Variants in CXCL17 observed in about 807,000 individuals in gnomAD.
CXCL17 encodes C-X-C motif chemokine 17.
A neutral mutation model predicts 15.5 loss-of-function variants in CXCL17; 9 were observed. That is an observed-to-expected ratio of 0.58 (90% CI 0.35 to 1.01). The LOEUF is 1.01. Ranked by LOEUF, CXCL17 falls within the 50% of genes least tolerant of loss-of-function variation. The pLI is 0.02. For missense variants in CXCL17, 133 were observed against 138.2 expected (o/e 0.96, Z 0.19); for synonymous variants, 52 against 52.3 (o/e 0.99, Z 0.02).
chr19:42,441,319 A>T (rs555491387), intron 1 of CXCL17, among the ~76,000 whole-genome samples: 7 of 152,262 alleles, frequency 4.6e-5, no homozygotes, highest in Non-Finnish European at 8.8e-5. Flanking sequence ...TGTGGGAGGA[A>T]CTGAAGGAAG....
chr19:42,428,878 G>C lies in CXCL17; in HGVS notation c.*6C>G. Reference sequence around the variant, plus strand: ...GTTTAATTGGAAGAGTGGGCGCTCAGAGCTCCTACAAAGGCAGAGCAAAGC... The same window carrying C: ...GTTTAATTGGAAGAGTGGGCGCTCACAGCTCCTACAAAGGCAGAGCAAAGC... On this transcript the variant is annotated 3_prime_UTR_variant, in exon 4 of 4. Transcript: ENST00000601181. The C allele has an allele frequency of 6.2e-7, 1 of 1,609,234 alleles. No homozygotes were observed. Among genetic ancestry groups the C allele is most frequent in the Non-Finnish European group, 8.5e-7 (1 of 1,175,588 alleles).
At chr19:42,439,942 G>T (rs2040875271) in intron 1 of CXCL17, among the ~76,000 whole-genome samples, 1 of 152,116 alleles carries the variant, frequency 6.6e-6, no homozygotes, top group African/African-American at 2.4e-5. Flanking sequence ...TTGTAGATTA[G>T]TTAATATTAT....
At chr19:42,431,421 G>A (rs952218229) in intron 3 of CXCL17, among the ~76,000 whole-genome samples, 1 of 152,108 alleles carries the variant, frequency 6.6e-6, no homozygotes, top group African/African-American at 2.4e-5. Context: ...CATAATCTCA[G>A]TGAAGTCAGA....
intron 3 of CXCL17, 104 bp downstream of exon 3, chr19:42,432,872 C>T (rs909774421): frequency 1.2e-6 from 1 of 818,000 alleles, no homozygotes. Flanking sequence ...GTGTGCTTAT[C>T]CTGGTCTTAA....
intron 1 of CXCL17, among the ~76,000 whole-genome samples, chr19:42,435,391 G>A (rs1467996521): frequency 6.6e-6 from 1 of 152,126 alleles, no homozygotes; most frequent in Non-Finnish European, 1.5e-5. Flanking sequence ...TTTATGGACT[G>A]AATTGTGTCT....
In CXCL17 at chr19:42,428,841, T is replaced by C. The variant is rs1215672072; in HGVS notation, c.*43A>G. On this transcript the variant is annotated 3_prime_UTR_variant, in exon 4 of 4. Coordinates refer to ENST00000601181, the MANE Select transcript of CXCL17 (RefSeq NM_198477.3). ...TCTGGTAGGTGTGCTCACTGTCTTC[T>C]TGGCTGAGAATGTTTAATTGGAAGA... The C allele has an allele frequency of 6.8e-7, 1 of 1,476,700 alleles. No homozygotes were observed. The highest frequency in any genetic ancestry group is 9.5e-7 in the Non-Finnish European group (1 of 1,054,928). The allele number at this position is 1,476,700 out of a possible 1,614,324, so 91.5% of individuals were successfully genotyped here.
At chr19:42,439,793 T>A (rs1265377429) in intron 1 of CXCL17, among the ~76,000 whole-genome samples, 1 of 152,160 alleles carries the variant, frequency 6.6e-6, no homozygotes, top group Non-Finnish European at 1.5e-5. Context: ...GTCAAGGTCC[T>A]GAAAGAGAGG....
intron 1 of CXCL17, among the ~76,000 whole-genome samples, chr19:42,442,043 A>G (rs767458228): frequency 1.3e-5 from 2 of 152,066 alleles, no homozygotes; most frequent in Non-Finnish European, 2.9e-5. Flanking sequence ...TAAAGGTACC[A>G]TTGCCTTCAA....
At chr19:42,442,655 C>A (rs981390164) in intron 1 of CXCL17, 99 bp downstream of exon 1, 1 of 811,560 alleles carries the variant, frequency 1.2e-6, no homozygotes, top group Non-Finnish European at 2.1e-6. Context: ...TCACTTGCCC[C>A]ATCCCCCATA....
intron 1 of CXCL17, among the ~76,000 whole-genome samples, chr19:42,441,882 AG>A (rs2147706611): frequency 6.6e-6 from 1 of 152,346 alleles, no homozygotes; most frequent in African/African-American, 2.4e-5. Context: ...CTGTTACAGC[AG>A]GGCTTGCTAT....
intron 3 of CXCL17, among the ~76,000 whole-genome samples, chr19:42,431,273 T>G (rs1214081518): frequency 6.6e-6 from 1 of 152,246 alleles, no homozygotes; most frequent in Non-Finnish European, 1.5e-5. Flanking sequence ...CTGTTGTATT[T>G]CCTGCCCTCC....
chr19:42,439,539 T>C (rs1236145952), intron 1 of CXCL17, among the ~76,000 whole-genome samples: 1 of 152,036 alleles, frequency 6.6e-6, no homozygotes, highest in Non-Finnish European at 1.5e-5. Flanking sequence ...TACTTATTAA[T>C]TACAATAAGA....
intron 1 of CXCL17, among the ~76,000 whole-genome samples, chr19:42,435,416 G>A (rs1225493718): frequency 2.6e-5 from 4 of 152,138 alleles, no homozygotes; most frequent in African/African-American, 9.7e-5. Flanking sequence ...AAATTCACAT[G>A]TTGAATCCAT....
chr19:42,438,568 A>T (rs1036605857), intron 1 of CXCL17, among the ~76,000 whole-genome samples: 22 of 151,136 alleles, frequency 1.5e-4, no homozygotes, highest in African/African-American at 5.1e-4. Flanking sequence ...ACTGTACATG[A>T]GTGTGCGTGT....
intron 3 of CXCL17, 29 bp from the exon 4 acceptor site, chr19:42,429,010 G>C: frequency 6.6e-7 from 1 of 1,521,594 alleles, no homozygotes. Context: ...GGAGAGGCTA[G>C]TGTTAAAACC....
chr19:42,428,858 A>G lies in CXCL17; in HGVS notation c.*26T>C, dbSNP rs1444220297. On this transcript the variant is annotated 3_prime_UTR_variant, in exon 4 of 4. Coordinates refer to ENST00000601181, the MANE Select transcript of CXCL17 (RefSeq NM_198477.3). ...CTGTCTTCTTGGCTGAGAATGTTTAATTGGAAGAGTGGGCGCTCAGAGCTC... is the reference window on the plus strand; with the variant it reads ...CTGTCTTCTTGGCTGAGAATGTTTAGTTGGAAGAGTGGGCGCTCAGAGCTC... 4 of 1,563,944 alleles carry G rather than the reference A, an allele frequency of 2.6e-6. No homozygotes were observed. The highest frequency in any genetic ancestry group is 3.5e-6 in the Non-Finnish European group (4 of 1,134,542).
intron 1 of CXCL17, among the ~76,000 whole-genome samples, chr19:42,441,722 C>T (rs1188053016): frequency 6.6e-6 from 1 of 152,122 alleles, no homozygotes; most frequent in African/African-American, 2.4e-5. Flanking sequence ...CTCAAAGTGG[C>T]CTTTGGGGAG....
chr19:42,441,112 C>T (rs1030339938), intron 1 of CXCL17, among the ~76,000 whole-genome samples: 1 of 152,146 alleles, frequency 6.6e-6, no homozygotes, highest in African/African-American at 2.4e-5. Flanking sequence ...TTGCTGAGTA[C>T]TGAGCTGGAT....
intron 1 of CXCL17, among the ~76,000 whole-genome samples, chr19:42,434,985 C>G (rs956091878): frequency 1.3e-5 from 2 of 151,742 alleles, no homozygotes; most frequent in Non-Finnish European, 2.9e-5. Context: ...CAAGACCATC[C>G]TGGCTAACAT....
Sources: allele counts gnomAD v4.1 joint callset (sites outside exome capture counted in the v4.1 genomes callset), GRCh38; gene constraint gnomAD v4.1.1; transcripts MANE v1.5; gene names NCBI Gene and HGNC (gene_info 2026-07-23, HGNC 2026-07-21).